Variants in DPP6 observed in about 807,000 individuals in gnomAD.
The protein encoded by DPP6 is dipeptidyl peptidase like 6, also known as A-type potassium channel modulatory protein DPP6.
Under a neutral mutation model 122.6 loss-of-function variants are expected in DPP6, and 69 were observed. The observed-to-expected ratio is 0.56, with a 90% CI of 0.46 to 0.69. The LOEUF (loss-of-function observed/expected upper bound fraction) is 0.69. DPP6 is among the 30% of genes least tolerant of loss of function. The pLI is 0.00. For missense variants in DPP6, 928 were observed against 1,116.9 expected (o/e 0.83, Z 2.41); for synonymous variants, 418 against 433.1 (o/e 0.97, Z 0.43).
At chr7:154,377,863 T>C (rs979607657) in intron 1 of DPP6, among the ~76,000 whole-genome samples, 2 of 152,220 alleles carry the variant, frequency 1.3e-5, no homozygotes, top group Admixed American at 6.5e-5. Context: ...ATTTGTATTA[T>C]AGCATGCTAG....
At chr7:153,987,378 G>C (rs777034504) in intron 1 of DPP6, among the ~76,000 whole-genome samples, 1 of 152,222 alleles carries the variant, frequency 6.6e-6, no homozygotes, top group Non-Finnish European at 1.5e-5. Context: ...AACAGGCTTA[G>C]AAAATCATTC....
chr7:154,388,583 T>C (rs1814326061), intron 1 of DPP6, among the ~76,000 whole-genome samples: 1 of 152,014 alleles, frequency 6.6e-6, no homozygotes, highest in Admixed American at 6.6e-5. Context: ...AGATAATGAG[T>C]GCATTATCTC....
intron 3 of DPP6, among the ~76,000 whole-genome samples, chr7:154,497,322 G>A (rs556221730): frequency 2.0e-5 from 3 of 152,010 alleles, no homozygotes; most frequent in Non-Finnish European, 2.9e-5. Context: ...AAAGAACTAG[G>A]ACAGGCTGGG....
At chr7:153,903,155 A>G (rs1231243161) in intron 1 of DPP6, among the ~76,000 whole-genome samples, 2 of 152,178 alleles carry the variant, frequency 1.3e-5, no homozygotes, top group Non-Finnish European at 2.9e-5. Flanking sequence ...CCCTCTTCCA[A>G]GAATTTAAGA....
At chr7:153,788,330 G>A in the DPP6 span, among the ~76,000 whole-genome samples, 2 of 152,170 alleles carry the variant, frequency 1.3e-5, no homozygotes, top group East Asian at 1.9e-4. Flanking sequence ...CCAACTGAAT[G>A]ACCTGTTCAA....
chr7:153,861,865 G>A, the DPP6 span, among the ~76,000 whole-genome samples: 6 of 152,140 alleles, frequency 3.9e-5, no homozygotes, highest in East Asian at 1.9e-4. Context: ...TAACCCAAAC[G>A]GCAATTTAGT....
rs912454683 is a variant in DPP6, at chr7:154,640,748, C to T, written c.680+2875C>T. On this transcript the variant is annotated intron_variant, in intron 6 of 25. Coordinates refer to ENST00000377770, the MANE Select transcript of DPP6 (RefSeq NM_130797.4). ...TGGGTTTTGGATAGGGAGGAAAGCACAATTGTCTTTTAAAAATAAAAATGT... is the reference window on the plus strand; with the variant it reads ...TGGGTTTTGGATAGGGAGGAAAGCATAATTGTCTTTTAAAAATAAAAATGT... 5.3e-5 allele frequency among the ~76,000 whole-genome samples: 8 copies of T among 152,098 alleles called. No homozygotes were observed. In the East Asian group the frequency reaches 1.2e-3, roughly 22 times the overall value.
intron 3 of DPP6, among the ~76,000 whole-genome samples, chr7:154,532,684 T>C (rs1827935637): frequency 6.6e-6 from 1 of 152,060 alleles, no homozygotes; most frequent in African/African-American, 2.4e-5. Flanking sequence ...TAACCTGTTA[T>C]CTTACTAAAA....
intron 1 of DPP6, among the ~76,000 whole-genome samples, chr7:153,944,150 G>A (rs187042631): frequency 8.8e-4 from 134 of 152,268 alleles, no homozygotes; most frequent in Non-Finnish European, 5.1e-4. Context: ...CACGAGCCTC[G>A]TTAGCACGCT....
At chr7:154,491,339 G>A (rs1029098286) in intron 3 of DPP6, among the ~76,000 whole-genome samples, 2 of 152,138 alleles carry the variant, frequency 1.3e-5, no homozygotes, top group African/African-American at 4.8e-5. Context: ...CCCTGTTAGC[G>A]CTCCCCCAGG....
At chr7:154,652,519 G>A (rs60133133) in intron 6 of DPP6, among the ~76,000 whole-genome samples, 3,094 of 151,804 alleles carry the variant, frequency 0.02, 100 homozygotes, top group East Asian at 0.18. Flanking sequence ...AGAAGGGAGC[G>A]TTTATCAGGG....
At chr7:154,306,400 T>C (rs950889398) in intron 1 of DPP6, among the ~76,000 whole-genome samples, 3 of 152,238 alleles carry the variant, frequency 2.0e-5, no homozygotes, top group African/African-American at 7.2e-5. Flanking sequence ...ATCATTAAAA[T>C]AGATCCTGGG....
Position 154,245,325 on chromosome 7 carries a change from A to G in DPP6, c.243+192262A>G, listed in dbSNP as rs140048148. Among the ~76,000 whole-genome samples, 222 of 152,064 alleles carry G rather than the reference A, an allele frequency of 1.5e-3. 1 individual carries two copies. The highest frequency in any genetic ancestry group is 5.1e-3 in the African/African-American group (212 of 41,500). The stretch of plus-strand genomic sequence containing the variant: ...AAAGAATAGTAAAAGATAAACCATA[A>G]AACAGTAAGCATAAAAAAGCTATGG... On this transcript the variant is annotated intron_variant, in intron 1 of 25. Coordinates refer to ENST00000377770, the MANE Select transcript of DPP6 (RefSeq NM_130797.4).
chr7:154,857,614 T>C (rs2150588431), intron 17 of DPP6, among the ~76,000 whole-genome samples: 1 of 152,346 alleles, frequency 6.6e-6, no homozygotes, highest in African/African-American at 2.4e-5. Context: ...GCACTGAGTT[T>C]TCATTTTGTC....
chr7:154,220,098 G>A (rs986356016), intron 1 of DPP6, among the ~76,000 whole-genome samples: 1 of 152,162 alleles, frequency 6.6e-6, no homozygotes, highest in African/African-American at 2.4e-5. Context: ...TGGTTTAAAT[G>A]TATGTTCTCC....
the DPP6 span, among the ~76,000 whole-genome samples, chr7:153,841,725 C>T: frequency 3.3e-5 from 5 of 152,104 alleles, no homozygotes; most frequent in Admixed American, 1.3e-4. Context: ...AAGCATTTAC[C>T]GTGAAGAACA....
chr7:153,804,436 A>G, the DPP6 span, among the ~76,000 whole-genome samples: 2 of 152,106 alleles, frequency 1.3e-5, no homozygotes, highest in Admixed American at 1.3e-4. Flanking sequence ...TCTATATTTT[A>G]ATATCTCTAG....
intron 1 of DPP6, among the ~76,000 whole-genome samples, chr7:154,317,378 A>T (rs1008054667): frequency 6.6e-5 from 10 of 152,272 alleles, no homozygotes; most frequent in African/African-American, 2.4e-4. Context: ...AATAAATTGG[A>T]CAGAAAATAA....
At chr7:154,204,683 G>C (rs1006299167) in intron 1 of DPP6, among the ~76,000 whole-genome samples, 13 of 152,110 alleles carry the variant, frequency 8.5e-5, no homozygotes, top group South Asian at 4.1e-4. Context: ...TAAGTAGGGG[G>C]AAAGTGTATT....
Sources: allele counts gnomAD v4.1 joint callset (sites outside exome capture counted in the v4.1 genomes callset), GRCh38; gene constraint gnomAD v4.1.1; transcripts MANE v1.5; gene names NCBI Gene and HGNC (gene_info 2026-07-23, HGNC 2026-07-21).